Variants in RANBP17 observed in about 807,000 individuals in gnomAD.
RANBP17 encodes RAN binding protein 17.
A neutral mutation model predicts 141.2 loss-of-function variants in RANBP17; 158 were observed. The ratio of observed to expected loss-of-function variants is 1.12; its 90% CI spans 0.98 to 1.28. The LOEUF is 1.28. Among genes scored for constraint, RANBP17 ranks in the 50% most tolerant of loss-of-function variants. RANBP17 has a pLI of 0.00. For synonymous variants in RANBP17, 430 were observed against 450.0 expected (o/e 0.96, Z 0.56); for missense variants, 1,438 against 1,290.7 (o/e 1.11, Z -1.75).
intron 14 of RANBP17, among the ~76,000 whole-genome samples, chr5:171,137,102 T>A (rs994375340): frequency 1.3e-5 from 2 of 152,326 alleles, no homozygotes; most frequent in East Asian, 3.9e-4. Flanking sequence ...ATATCTTATA[T>A]TGGCTGGGTT....
chr5:171,111,731 TCTAA>T (rs1288119438), intron 14 of RANBP17, among the ~76,000 whole-genome samples: 3 of 152,250 alleles, frequency 2.0e-5, no homozygotes, highest in African/African-American at 2.4e-5. Context: ...TGGAATGCTC[TCTAA>T]CTTTCTGTGA....
At chr5:170,951,355 G>C (rs1285492947) in intron 12 of RANBP17, among the ~76,000 whole-genome samples, 2 of 151,864 alleles carry the variant, frequency 1.3e-5, no homozygotes, top group Non-Finnish European at 2.9e-5. Context: ...GAACAAATAT[G>C]GTGTATCAAT....
chr5:170,962,170 C>T (rs552209625), intron 13 of RANBP17, among the ~76,000 whole-genome samples: 1 of 152,284 alleles, frequency 6.6e-6, no homozygotes, highest in East Asian at 1.9e-4. Context: ...GAGAAATAAA[C>T]ATCTATATTA....
At chr5:170,991,558 A>T (rs1024990152) in intron 14 of RANBP17, among the ~76,000 whole-genome samples, 3 of 152,012 alleles carry the variant, frequency 2.0e-5, no homozygotes, top group African/African-American at 4.8e-5. Context: ...TCATCTGTTC[A>T]GAATAAAGAT....
chr5:171,270,477 G>A (rs1581158256), intron 25 of RANBP17, among the ~76,000 whole-genome samples: 1 of 152,224 alleles, frequency 6.6e-6, no homozygotes, highest in African/African-American at 2.4e-5. Flanking sequence ...GAGCCCAACC[G>A]TAACAGTGAT....
At chr5:171,132,347 A>G (rs964550992) in intron 14 of RANBP17, among the ~76,000 whole-genome samples, 1 of 151,700 alleles carries the variant, frequency 6.6e-6, no homozygotes, top group Non-Finnish European at 1.5e-5. Context: ...AATTATTATT[A>G]TGGAGCAAGT....
At chr5:170,916,809 G>A (rs1006653893) in intron 9 of RANBP17, among the ~76,000 whole-genome samples, 10 of 150,710 alleles carry the variant, frequency 6.6e-5, no homozygotes, top group East Asian at 2.0e-4. Flanking sequence ...TCTACCTCCC[G>A]GGTTCGAGTG....
intron 13 of RANBP17, among the ~76,000 whole-genome samples, chr5:170,959,628 C>T (rs898910308): frequency 6.6e-6 from 1 of 152,174 alleles, no homozygotes; most frequent in Non-Finnish European, 1.5e-5. Flanking sequence ...AATTTAACTA[C>T]TAATAGCCCA....
intron 11 of RANBP17, among the ~76,000 whole-genome samples, chr5:170,923,145 A>G (rs1025302781): frequency 1.3e-5 from 2 of 151,966 alleles, no homozygotes; most frequent in African/African-American, 4.8e-5. Context: ...TAGAATTTAC[A>G]TTTTAGTCTG....
At chr5:171,271,248 C>G (rs1230281446) in intron 25 of RANBP17, 1 of 214,288 alleles carries the variant, frequency 4.7e-6, no homozygotes, top group East Asian at 6.8e-5. Flanking sequence ...ATGAAAATTG[C>G]TTTTGTATAG....
chr5:171,073,501 A>G (rs924721574), intron 14 of RANBP17, among the ~76,000 whole-genome samples: 1 of 152,150 alleles, frequency 6.6e-6, no homozygotes, highest in Non-Finnish European at 1.5e-5. Context: ...AGTTACAAGT[A>G]AACAACAGGG....
chr5:170,932,937 G>T (rs1773522240), intron 12 of RANBP17, among the ~76,000 whole-genome samples: 1 of 152,122 alleles, frequency 6.6e-6, no homozygotes, highest in African/African-American at 2.4e-5. Flanking sequence ...AAATAAATTA[G>T]GGAGGATTCC....
intron 4 of RANBP17, among the ~76,000 whole-genome samples, chr5:170,892,973 G>A (rs530972363): frequency 2.6e-5 from 4 of 152,078 alleles, no homozygotes; most frequent in Admixed American, 2.0e-4. Context: ...ACTGATTAAC[G>A]CATACAGCTA....
chr5:171,277,637 G>GTGTATA (rs1437482589), intron 25 of RANBP17, among the ~76,000 whole-genome samples: 1,096 of 56,902 alleles, frequency 0.019, 116 homozygotes, highest in African/African-American at 0.051. Flanking sequence ...ATATATGTAT[G>GTGTATA]TATATATATA....
intron 14 of RANBP17, among the ~76,000 whole-genome samples, chr5:171,143,743 A>G (rs913226315): frequency 1.3e-5 from 2 of 152,246 alleles, no homozygotes; most frequent in Admixed American, 6.5e-5. Flanking sequence ...CAGAATGACA[A>G]TGGAAATGTA....
chr5:170,896,904 C>T (rs1196380909), intron 5 of RANBP17: 12 of 613,302 alleles, frequency 2.0e-5, no homozygotes, highest in East Asian at 6.9e-5. Context: ...GGCTCACAAG[C>T]GCCCCCAGCT....
intron 27 of RANBP17, among the ~76,000 whole-genome samples, chr5:171,296,638 C>A (rs1010351099): frequency 1.6e-4 from 24 of 152,204 alleles, no homozygotes; most frequent in African/African-American, 5.8e-4. Context: ...ATTGGCTGGG[C>A]ACAGTGGCTC....
intron 14 of RANBP17, among the ~76,000 whole-genome samples, chr5:171,011,131 G>T (rs1252621584): frequency 6.6e-6 from 1 of 152,016 alleles, no homozygotes; most frequent in Non-Finnish European, 1.5e-5. Flanking sequence ...TCTCTCATGA[G>T]CACAAATACA....
intron 25 of RANBP17, chr5:171,271,288 A>T (rs1767104552): frequency 4.7e-6 from 1 of 212,852 alleles, no homozygotes; most frequent in East Asian, 6.9e-5. Flanking sequence ...CCCAAAGTGA[A>T]TTACAGCAAA....
Sources: gnomAD v4.1 joint callset for allele counts (sites outside exome capture counted in the v4.1 genomes callset) on GRCh38, gnomAD v4.1.1 for gene constraint, MANE v1.5 for transcripts, NCBI Gene and HGNC (gene_info 2026-07-23, HGNC 2026-07-21) for gene names.